The following CADM2 variants were observed in gnomAD, a reference collection of about 807,000 sequenced individuals.
The protein encoded by CADM2 is cell adhesion molecule 2, also known as immunoglobulin superfamily member 4D.
CADM2 carries 12 observed loss-of-function variants against 49.8 expected under a neutral mutation model. The observed-to-expected ratio is 0.24, with a 90% CI of 0.15 to 0.39. CADM2 has a LOEUF of 0.39. Ranked by LOEUF, CADM2 falls within the 10% of genes least tolerant of loss-of-function variation. The pLI, the probability that CADM2 is intolerant of heterozygous loss-of-function variation, is 1.00. For missense variants in CADM2, 378 were observed against 492.3 expected (o/e 0.77, Z 2.20); for synonymous variants, 214 against 175.4 (o/e 1.22, Z -1.74).
chr3:85,487,644 AG>A (rs2039481338), intron 1 of CADM2, among the ~76,000 whole-genome samples: 1 of 151,414 alleles, frequency 6.6e-6, no homozygotes, highest in Non-Finnish European at 1.5e-5. Context: ...GACGAAGAGG[AG>A]GAGGAGGAGG....
chr3:86,012,981 A>G, intron 8 of CADM2: 1 of 863,074 alleles, frequency 1.2e-6, no homozygotes, highest in South Asian at 1.3e-5. Context: ...TCAAAAACAA[A>G]AACAAAAACC....
At chr3:85,562,014 A>C (rs1329171343) in intron 1 of CADM2, among the ~76,000 whole-genome samples, 1 of 152,148 alleles carries the variant, frequency 6.6e-6, no homozygotes, top group Non-Finnish European at 1.5e-5. Context: ...GAATAGGTAA[A>C]AAATAGAGGT....
intron 2 of CADM2, among the ~76,000 whole-genome samples, chr3:85,785,838 T>C (rs2070950823): frequency 6.6e-6 from 1 of 152,054 alleles, no homozygotes; most frequent in African/African-American, 2.4e-5. Context: ...ATCTAATCAA[T>C]ACTGATAATT....
At chr3:85,717,096 A>AT (rs905194566) in intron 1 of CADM2, among the ~76,000 whole-genome samples, 1 of 152,164 alleles carries the variant, frequency 6.6e-6, no homozygotes, top group Non-Finnish European at 1.5e-5. Context: ...CTGTATGGCC[A>AT]TTTTTATGAT....
chr3:85,703,370 A>G (rs924070725), intron 1 of CADM2, among the ~76,000 whole-genome samples: 11 of 152,124 alleles, frequency 7.2e-5, no homozygotes, highest in African/African-American at 2.7e-4. Context: ...GGTCAAAGAG[A>G]ACCATTGCAT....
intron 3 of CADM2, among the ~76,000 whole-genome samples, chr3:85,859,985 A>C: frequency 6.6e-6 from 1 of 152,148 alleles, no homozygotes; most frequent in Admixed American, 6.5e-5. Context: ...ACTCATGTTA[A>C]ATTTTGAAAA....
At chr3:85,703,364 A>G (rs977211037) in intron 1 of CADM2, among the ~76,000 whole-genome samples, 3 of 152,124 alleles carry the variant, frequency 2.0e-5, no homozygotes, top group African/African-American at 7.2e-5. Flanking sequence ...TAATGAGGTC[A>G]AAGAGAACCA....
At chr3:85,647,204 C>A (rs1475429793) in intron 1 of CADM2, among the ~76,000 whole-genome samples, 3 of 151,774 alleles carry the variant, frequency 2.0e-5, no homozygotes, top group South Asian at 2.1e-4. Flanking sequence ...TGTACATTTT[C>A]TTGCTAAAAC....
chr3:85,743,882 A>G (rs2068498948), intron 2 of CADM2, among the ~76,000 whole-genome samples: 1 of 152,178 alleles, frequency 6.6e-6, no homozygotes, highest in Non-Finnish European at 1.5e-5. Context: ...AAATAAATAT[A>G]TATTTAAGTA....
intron 3 of CADM2, among the ~76,000 whole-genome samples, chr3:85,808,128 C>A (rs187192538): frequency 6.6e-6 from 1 of 152,292 alleles, no homozygotes; most frequent in Admixed American, 6.5e-5. Flanking sequence ...AATTCAATTA[C>A]AATTCCACTT....
intron 1 of CADM2, among the ~76,000 whole-genome samples, chr3:85,726,033 T>TA (rs1207612887): frequency 2.0e-5 from 3 of 151,988 alleles, no homozygotes; most frequent in African/African-American, 7.2e-5. Flanking sequence ...CAACAAAACT[T>TA]ACTTCTCACA....
chr3:85,915,011 T>A (rs1333953445), intron 6 of CADM2, among the ~76,000 whole-genome samples: 1 of 152,196 alleles, frequency 6.6e-6, no homozygotes, highest in East Asian at 1.9e-4. Context: ...GTCTTTGTGT[T>A]ATTCCACGCC....
chr3:85,786,665 A>T (rs748814089), intron 2 of CADM2, among the ~76,000 whole-genome samples: 2 of 152,076 alleles, frequency 1.3e-5, no homozygotes, highest in African/African-American at 2.4e-5. Flanking sequence ...TTAAGGTACT[A>T]TCATTTGAAC....
intron 5 of CADM2, among the ~76,000 whole-genome samples, chr3:85,907,094 T>C (rs1716902804): frequency 6.6e-6 from 1 of 152,194 alleles, no homozygotes; most frequent in Non-Finnish European, 1.5e-5. Flanking sequence ...ACTGAGTTCG[T>C]TCACTCCTAA....
chr3:85,200,606 T>C (rs1465997952), intron 1 of CADM2, among the ~76,000 whole-genome samples: 2 of 152,026 alleles, frequency 1.3e-5, no homozygotes, highest in African/African-American at 4.8e-5. Flanking sequence ...AGGACAAATA[T>C]GCGGATTGCT....
intron 7 of CADM2, among the ~76,000 whole-genome samples, chr3:85,945,480 G>C (rs910143610): frequency 9.9e-5 from 15 of 151,978 alleles, no homozygotes; most frequent in African/African-American, 3.6e-4. Flanking sequence ...AACCAAAAAA[G>C]AGAATTTTAG....
At chr3:85,261,431 G>A (rs1357084721) in intron 1 of CADM2, among the ~76,000 whole-genome samples, 1 of 152,098 alleles carries the variant, frequency 6.6e-6, no homozygotes. Context: ...ACAGCGCCTG[G>A]CCTCTGATCA....
At chr3:85,123,842 G>T (rs1359971691) in intron 1 of CADM2, among the ~76,000 whole-genome samples, 1 of 152,072 alleles carries the variant, frequency 6.6e-6, no homozygotes, top group Non-Finnish European at 1.5e-5. Context: ...AATATAGTTG[G>T]TTTCAAAGCA....
intron 1 of CADM2, among the ~76,000 whole-genome samples, chr3:85,251,277 T>G (rs1232427858): frequency 6.6e-6 from 1 of 151,912 alleles, no homozygotes; most frequent in Non-Finnish European, 1.5e-5. Flanking sequence ...AAACTTTTCA[T>G]TCTTTTAAGC....
Sources: allele counts gnomAD v4.1 joint callset (sites outside exome capture counted in the v4.1 genomes callset), GRCh38; gene constraint gnomAD v4.1.1; transcripts MANE v1.5; gene names NCBI Gene and HGNC (gene_info 2026-07-23, HGNC 2026-07-21).